FNDC3B: variants seen among roughly 807,000 people sequenced by gnomAD.
FNDC3B encodes the protein fibronectin type III domain containing 3B.
A neutral mutation model predicts 151.5 loss-of-function variants in FNDC3B; 12 were observed. The observed-to-expected ratio is 0.08, with a 90% confidence interval of 0.05 to 0.13. The LOEUF is 0.13. Ranked by LOEUF, FNDC3B falls within the 10% of genes least tolerant of loss-of-function variation. FNDC3B has a pLI of 1.00. For synonymous variants in FNDC3B, 528 were observed against 549.0 expected, an observed-to-expected ratio of 0.96 and a Z score of 0.54; for missense variants, 1,214 against 1,505.3, an observed-to-expected ratio of 0.81 and a Z score of 3.20.
chr3:172,100,717 T>C (rs185760097), intron 1 of FNDC3B, among the ~76,000 whole-genome samples: 43 of 152,338 alleles, frequency 2.8e-4, no homozygotes, highest in African/African-American at 9.4e-4. Flanking sequence ...TAACACCTGG[T>C]ATTTGCTTTA....
chr3:172,066,413 G>A (rs1362685988), intron 1 of FNDC3B, among the ~76,000 whole-genome samples: 1 of 152,206 alleles, frequency 6.6e-6, no homozygotes, highest in Non-Finnish European at 1.5e-5. Flanking sequence ...GACTTTGGGA[G>A]GTAATATCTG....
intron 6 of FNDC3B, among the ~76,000 whole-genome samples, chr3:172,262,361 T>G (rs1447446965): frequency 1.3e-5 from 2 of 152,214 alleles, no homozygotes; most frequent in African/African-American, 4.8e-5. Flanking sequence ...TCTCCTACTC[T>G]TTTCCTATTT....
rs11294678 is a variant in FNDC3B, at chr3:172,244,617, C to CTTTTTTTTTT, written c.265-2900_265-2891dup. 1.1e-3 allele frequency among the ~76,000 whole-genome samples: 79 copies of CTTTTTTTTTT among 73,102 alleles called. 2 individuals are homozygous for CTTTTTTTTTT. Among genetic ancestry groups the CTTTTTTTTTT allele is most frequent in the Non-Finnish European group, 1.3e-3 (55 of 43,242 alleles). 48.0% of individuals were successfully genotyped at this position (73,102 alleles called of 152,430 possible). ...TACTATTTCAGAATTAATATTTCAC[C>CTTTTTTTTTT]TTTTTTTTTTTTTTTTTTTTTTTTT... On this transcript the variant is annotated intron_variant, in intron 4 of 25. Coordinates refer to ENST00000415807, the MANE Select transcript of FNDC3B (RefSeq NM_022763.4).
chr3:172,323,950 C>A (rs1732218193), intron 11 of FNDC3B, among the ~76,000 whole-genome samples: 1 of 152,092 alleles, frequency 6.6e-6, no homozygotes, highest in Admixed American at 6.5e-5. Flanking sequence ...GACTTCCCCC[C>A]AAAGGTGATG....
chr3:172,125,105 G>A (rs935396485), intron 2 of FNDC3B, among the ~76,000 whole-genome samples: 5 of 152,172 alleles, frequency 3.3e-5, no homozygotes, highest in African/African-American at 9.7e-5. Context: ...GCTGGGGAGC[G>A]AGATGGCACT....
chr3:172,362,862 G>C lies in FNDC3B; in HGVS notation c.3008+17G>C. 1 of 1,589,736 alleles carries C rather than the reference G, an allele frequency of 6.3e-7. No individual in the cohort carries two copies. The highest frequency in any genetic ancestry group is 2.3e-5 in the East Asian group (1 of 44,308). On this transcript the variant is annotated intron_variant, in intron 23 of 25. Coordinates refer to ENST00000415807, the MANE Select transcript of FNDC3B (RefSeq NM_022763.4). ...AAACAAGAGGTGAGGTGGGGGTGAG[G>C]ATGCTCCTGAAGCTTCTGTAGCTTT... is the stretch of plus-strand genomic sequence containing the variant.
intron 4 of FNDC3B, among the ~76,000 whole-genome samples, chr3:172,243,072 CT>C (rs1311298128): frequency 2.0e-5 from 3 of 152,184 alleles, no homozygotes; most frequent in African/African-American, 7.2e-5. Flanking sequence ...ACCACCTTTG[CT>C]CCACAAGTTC....
intron 6 of FNDC3B, among the ~76,000 whole-genome samples, chr3:172,271,672 T>A (rs907683121): frequency 3.3e-5 from 5 of 152,218 alleles, no homozygotes; most frequent in Admixed American, 1.3e-4. Flanking sequence ...TTAACTGGTC[T>A]CCATGCTCCT....
chr3:172,365,424 T>C (rs6804183), intron 23 of FNDC3B, among the ~76,000 whole-genome samples: 23,875 of 152,170 alleles, frequency 0.16, 2,008 homozygotes, highest in Middle Eastern at 0.25. Flanking sequence ...GATAGGCTTG[T>C]TATTTTACTT....
chr3:172,277,458 A>G (rs768707038), intron 6 of FNDC3B, among the ~76,000 whole-genome samples: 4 of 152,148 alleles, frequency 2.6e-5, no homozygotes, highest in Non-Finnish European at 5.9e-5. Context: ...TTATAAGGAC[A>G]TCAGTCCCAT....
intron 1 of FNDC3B, among the ~76,000 whole-genome samples, chr3:172,103,280 A>T (rs906866907): frequency 6.6e-5 from 10 of 152,074 alleles, no homozygotes; most frequent in African/African-American, 2.2e-4. Flanking sequence ...ATAGTGATGT[A>T]ATTTTTTTCC....
chr3:172,255,619 C>T (rs1728295709), intron 6 of FNDC3B, among the ~76,000 whole-genome samples: 1 of 152,140 alleles, frequency 6.6e-6, no homozygotes, highest in Non-Finnish European at 1.5e-5. Context: ...GTTGGCCAGG[C>T]TGGCCTTGAC....
chr3:172,279,178 A>AT (rs1188121592), intron 6 of FNDC3B, among the ~76,000 whole-genome samples: 1 of 124,336 alleles, frequency 8.0e-6, no homozygotes, highest in African/African-American at 3.0e-5. Flanking sequence ...GTTAATGTGA[A>AT]TGTTCCCTGT....
intron 3 of FNDC3B, among the ~76,000 whole-genome samples, chr3:172,214,468 C>A (rs1247354785): frequency 6.6e-6 from 1 of 152,150 alleles, no homozygotes; most frequent in African/African-American, 2.4e-5. Flanking sequence ...CAGCCTGACA[C>A]TGAAGTGATG....
At chr3:172,387,236 A>G (rs568153446) in intron 25 of FNDC3B, among the ~76,000 whole-genome samples, 2 of 152,194 alleles carry the variant, frequency 1.3e-5, no homozygotes, top group Non-Finnish European at 2.9e-5. Context: ...GATTACAGGC[A>G]TGAGCCACCA....
intron 3 of FNDC3B, among the ~76,000 whole-genome samples, chr3:172,216,074 G>C (rs1017458786): frequency 3.9e-5 from 6 of 152,150 alleles, no homozygotes; most frequent in African/African-American, 1.4e-4. Context: ...TGCCCTTCAT[G>C]TGCCAAAGAG....
chr3:172,327,133 A>G (rs1052964160), intron 11 of FNDC3B, among the ~76,000 whole-genome samples: 1 of 152,214 alleles, frequency 6.6e-6, no homozygotes, highest in Non-Finnish European at 1.5e-5. Flanking sequence ...CTCAAGGTTG[A>G]AGTAAGCATA....
chr3:172,227,482 A>G (rs1726651528), intron 4 of FNDC3B, among the ~76,000 whole-genome samples: 1 of 152,228 alleles, frequency 6.6e-6, no homozygotes, highest in Non-Finnish European at 1.5e-5. Flanking sequence ...AAATGATGGT[A>G]ATAGCAATCT....
At chr3:172,302,321 G>A (rs1730953212) in intron 9 of FNDC3B, 1 of 152,220 alleles carries the variant, frequency 6.6e-6, no homozygotes, top group African/African-American at 2.4e-5. Context: ...GTTGCCTTCA[G>A]TTACTAGGCC....
Sources: allele counts gnomAD v4.1 joint callset (sites outside exome capture counted in the v4.1 genomes callset), GRCh38; gene constraint gnomAD v4.1.1; transcripts MANE v1.5; gene names NCBI Gene and HGNC (gene_info 2026-07-23, HGNC 2026-07-21).